The following RORA variants were observed in gnomAD, a reference collection of about 807,000 sequenced individuals.
RORA encodes the protein nuclear receptor ROR-alpha.
Under a neutral mutation model 69.5 loss-of-function variants are expected in RORA, and 7 were observed. The observed-to-expected ratio is 0.10, with a 90% CI of 0.06 to 0.19. RORA has a LOEUF of 0.19. RORA is among the 10% of genes least tolerant of loss of function. The pLI, the probability that RORA is intolerant of heterozygous loss-of-function variation, is 1.00. For synonymous variants in RORA, 261 were observed against 240.8 expected (o/e 1.08, Z -0.78); for missense variants, 457 against 663.0 (o/e 0.69, Z 3.41).
chr15:60,901,566 A>C (rs908714489), intron 1 of RORA, among the ~76,000 whole-genome samples: 5 of 152,374 alleles, frequency 3.3e-5, no homozygotes, highest in Admixed American at 3.3e-4. Flanking sequence ...ATTACACCCA[A>C]ATAACTTAAC....
intron 1 of RORA, among the ~76,000 whole-genome samples, chr15:61,176,897 A>G (rs1201333729): frequency 6.6e-6 from 1 of 152,210 alleles, no homozygotes; most frequent in Non-Finnish European, 1.5e-5. Context: ...TTCATGCTTT[A>G]TATGTCCTGA....
chr15:61,048,010 C>A (rs1243825617), intron 1 of RORA, among the ~76,000 whole-genome samples: 2 of 152,146 alleles, frequency 1.3e-5, no homozygotes, highest in Admixed American at 1.3e-4. Context: ...TGTAAGTAAG[C>A]ATTTAGATAT....
intron 1 of RORA, among the ~76,000 whole-genome samples, chr15:61,033,419 C>CAAAAAAAAA (rs1555403815): frequency 2.0e-5 from 3 of 150,534 alleles, no homozygotes; most frequent in African/African-American, 7.4e-5. Context: ...AAAAAAAAAA[C>CAAAAAAAAA]AAAAACCAGT....
At chr15:61,225,066 A>G (rs1410358394) in intron 1 of RORA, among the ~76,000 whole-genome samples, 1 of 152,054 alleles carries the variant, frequency 6.6e-6, no homozygotes, top group Non-Finnish European at 1.5e-5. Flanking sequence ...TAATAATTCA[A>G]TTTTTTTTAA....
chr15:60,642,857 C>CAG (rs2069967867), intron 2 of RORA, among the ~76,000 whole-genome samples: 1 of 152,102 alleles, frequency 6.6e-6, no homozygotes, highest in Admixed American at 6.6e-5. Context: ...GCCTGGGCAA[C>CAG]AGAGAGAGAC....
intron 1 of RORA, among the ~76,000 whole-genome samples, chr15:60,946,919 G>A (rs1162297225): frequency 4.2e-4 from 60 of 143,010 alleles, no homozygotes. Flanking sequence ...GCCCGGCCCC[G>A]ACCCCGTCTG....
intron 1 of RORA, among the ~76,000 whole-genome samples, chr15:60,727,104 A>G (rs1376233322): frequency 6.6e-6 from 1 of 152,246 alleles, no homozygotes; most frequent in Non-Finnish European, 1.5e-5. Flanking sequence ...ACTGCTGTTC[A>G]TAACCAAAAA....
At chr15:61,135,656 T>C (rs2140853605) in intron 1 of RORA, among the ~76,000 whole-genome samples, 1 of 150,324 alleles carries the variant, frequency 6.7e-6, no homozygotes, top group Non-Finnish European at 1.5e-5. Context: ...TACATCCTTA[T>C]CCCCCTGCAG....
chr15:60,643,636 A>G (rs1386299778), intron 2 of RORA, among the ~76,000 whole-genome samples: 1 of 152,238 alleles, frequency 6.6e-6, no homozygotes. Flanking sequence ...AACTCCAGGC[A>G]GAAGCTGAAC....
rs1261672005 is a variant in RORA, at chr15:60,496,067, TCAACATTG to T, written c.*1380_*1387del. 7.2e-5 allele frequency: 11 copies of T among 152,292 alleles called. No individual in the cohort carries two copies. The highest frequency in any genetic ancestry group is 2.4e-4 in the African/African-American group (10 of 41,560). 9.4% of individuals were successfully genotyped at this position (152,292 alleles called of 1,614,324 possible). ...TAATATTTAAATAAGAGAAACTGGT[TCAACATTG>T]TATGCTTCCCTCACCCTCCTATCCA... On this transcript the variant is annotated 3_prime_UTR_variant, in exon 11 of 11. Coordinates refer to ENST00000335670, the MANE Select transcript of RORA (RefSeq NM_134261.3). This position sits in a 1 kb window ranked among gnomAD's most constrained non-coding sequence, Gnocchi z 4.5.
chr15:60,968,719 T>A (rs866213171), intron 1 of RORA, among the ~76,000 whole-genome samples: 18 of 152,216 alleles, frequency 1.2e-4, no homozygotes, highest in African/African-American at 4.1e-4. Flanking sequence ...GTTGTCTTGA[T>A]GTCCCATCTT....
intron 1 of RORA, among the ~76,000 whole-genome samples, chr15:60,879,654 T>G (rs1361225045): frequency 6.6e-6 from 1 of 152,172 alleles, no homozygotes; most frequent in Non-Finnish European, 1.5e-5. Context: ...ATTTGAGGAC[T>G]CACTTTAAGA....
At position 60,962,112 on chromosome 15, in the gene RORA, T is replaced by C. The variant is rs191550985; in HGVS notation, c.166+266941A>G. Among the ~76,000 whole-genome samples the C allele has an allele frequency of 1.6e-4, 25 of 152,328 alleles. No individual in the cohort carries two copies. The East Asian group carries it at 2.7e-3, about 16-fold the overall frequency. On this transcript the variant is annotated intron_variant, in intron 1 of 10. Transcript: ENST00000335670. ...TGCTTTGAATTCCGAGTATCTTTGCTTTTCTGGAAGTTTTAAAGTTGAGCT... is the reference window on the plus strand; with the variant it reads ...TGCTTTGAATTCCGAGTATCTTTGCCTTTCTGGAAGTTTTAAAGTTGAGCT...
intron 1 of RORA, among the ~76,000 whole-genome samples, chr15:61,059,724 C>A (rs1271496585): frequency 1.3e-5 from 2 of 151,766 alleles, no homozygotes; most frequent in Admixed American, 6.6e-5. Context: ...TAGGGCTCAG[C>A]CTGAAAGCTG....
intron 1 of RORA, among the ~76,000 whole-genome samples, chr15:61,183,770 C>G (rs139376218): frequency 8.1e-4 from 123 of 152,272 alleles, no homozygotes; most frequent in African/African-American, 2.8e-3. Flanking sequence ...CTGCTAAGAG[C>G]ACCTTGTCCT....
At chr15:61,077,276 A>C (rs2099587) in intron 1 of RORA, among the ~76,000 whole-genome samples, 30,993 of 152,020 alleles carry the variant, frequency 0.2, 3,800 homozygotes, top group East Asian at 0.32. Flanking sequence ...GAGAGAACAA[A>C]CAAATGATTT....
At chr15:61,148,572 ATTAAT>A (rs1325664840) in intron 1 of RORA, among the ~76,000 whole-genome samples, 1 of 152,164 alleles carries the variant, frequency 6.6e-6, no homozygotes, top group African/African-American at 2.4e-5. Context: ...TAATCAATAA[ATTAAT>A]TTAAACCACC....
intron 2 of RORA, among the ~76,000 whole-genome samples, chr15:60,613,478 C>T (rs1278877560): frequency 6.6e-6 from 1 of 152,000 alleles, no homozygotes; most frequent in East Asian, 1.9e-4. Flanking sequence ...GGAACTTCAT[C>T]CTTGGGAGCC....
intron 1 of RORA, among the ~76,000 whole-genome samples, chr15:61,108,006 T>C (rs534970388): frequency 2.0e-4 from 30 of 152,318 alleles, no homozygotes; most frequent in African/African-American, 6.7e-4. Context: ...GATTTTAAAA[T>C]GTCTAGAGAA....
Sources: gnomAD v4.1 joint callset for allele counts (sites outside exome capture counted in the v4.1 genomes callset) on GRCh38, gnomAD v4.1.1 for gene constraint, Gnocchi (gnomAD v3.1) non-coding constraint, MANE v1.5 for transcripts, NCBI Gene and HGNC (gene_info 2026-07-23, HGNC 2026-07-21) for gene names.